Variants in CNTNAP2 observed in about 807,000 individuals in gnomAD.
The protein encoded by CNTNAP2 is contactin associated protein 2, also known as contactin-associated protein-like 2.
A neutral mutation model predicts 155.2 loss-of-function variants in CNTNAP2; 98 were observed. The observed-to-expected ratio is 0.63, with a 90% confidence interval of 0.54 to 0.75. The LOEUF (loss-of-function observed/expected upper bound fraction) is 0.75, where lower values mean the gene tolerates loss of function less well. CNTNAP2 is among the 30% of genes least tolerant of loss of function. The pLI is 0.00. For synonymous variants in CNTNAP2, 651 were observed against 631.2 expected (o/e 1.03, Z -0.47); for missense variants, 1,727 against 1,688.1 (o/e 1.02, Z -0.40).
At chr7:148,391,248 G>GTAAATAAA (rs1554429072) in intron 22 of CNTNAP2, among the ~76,000 whole-genome samples, 10 of 152,090 alleles carry the variant, frequency 6.6e-5, no homozygotes, top group Admixed American at 6.5e-4. Flanking sequence ...GTGAAAATAA[G>GTAAATAAA]TAAATAAATA....
chr7:146,568,644 T>C (rs565883018), intron 1 of CNTNAP2, among the ~76,000 whole-genome samples: 97 of 152,306 alleles, frequency 6.4e-4, no homozygotes, highest in Non-Finnish European at 1.0e-3. Flanking sequence ...ATTCAAAAAA[T>C]CATGGTTTCT....
chr7:147,311,492 T>C (rs1241950439), intron 9 of CNTNAP2, among the ~76,000 whole-genome samples: 2 of 152,114 alleles, frequency 1.3e-5, no homozygotes, highest in African/African-American at 4.8e-5. Flanking sequence ...GTGTTCAGAC[T>C]GAGGGCAGTC....
At chr7:147,436,015 A>C (rs1797542078) in intron 10 of CNTNAP2, among the ~76,000 whole-genome samples, 2 of 152,162 alleles carry the variant, frequency 1.3e-5, no homozygotes, top group African/African-American at 4.8e-5. Flanking sequence ...TCATGTGACC[A>C]TTCAAATATC....
rs1294662477 is a variant in CNTNAP2 at position 148,409,457 on chromosome 7, C to G, written c.3782C>G (p.Ser1261Trp). 6.2e-7 allele frequency: 1 copy of G among 1,613,644 alleles called. No individual in the cohort carries two copies. Among genetic ancestry groups the G allele is most frequent in the Non-Finnish European group, 8.5e-7 (1 of 1,179,792 alleles). Residue 1261 changes from serine (S) to tryptophan (W), a missense_variant, in exon 23 of 24, where the codon TCG becomes TGG. Transcript: ENST00000361727. ...QAIRNGVNRN[S>W]AIIGGVIAVV... ...ATAAGAAATGGAGTCAACAGAAACT[C>G]GGCTATCATTGGAGGTAGGTGATGT...
Position 148,419,483 on chromosome 7 carries a change from G to GC in CNTNAP2, c.*3868dup, listed in dbSNP as rs1393411023. 4 of 152,082 alleles carry GC rather than the reference G, an allele frequency of 2.6e-5. No individual in the cohort carries two copies. Among genetic ancestry groups the GC allele is most frequent in the Non-Finnish European group, 5.9e-5 (4 of 68,120 alleles). The allele number at this position is 152,082 out of a possible 1,614,324, so 9.4% of individuals were successfully genotyped here. On this transcript the variant is annotated 3_prime_UTR_variant, in exon 24 of 24. Transcript: ENST00000361727. ...CTTGCTCTGTCCCCCAGGCTGGAGT[G>GC]CACTGGCGCAATCTCGGGCTCACTG...
intron 3 of CNTNAP2, among the ~76,000 whole-genome samples, chr7:146,862,735 A>G (rs948655166): frequency 2.0e-4 from 31 of 152,220 alleles, no homozygotes; most frequent in African/African-American, 7.5e-4. Flanking sequence ...TAGGAATTCA[A>G]AATTCTGTGA....
At chr7:146,231,734 G>A (rs1799388877) in intron 1 of CNTNAP2, among the ~76,000 whole-genome samples, 1 of 152,138 alleles carries the variant, frequency 6.6e-6, no homozygotes, top group Admixed American at 6.5e-5. Flanking sequence ...TTGCTCTGAT[G>A]AAGTGCATCC....
chr7:147,972,825 G>T (rs1181855379), intron 14 of CNTNAP2, among the ~76,000 whole-genome samples: 1 of 152,040 alleles, frequency 6.6e-6, no homozygotes, highest in Non-Finnish European at 1.5e-5. Flanking sequence ...CGTTTTGCTT[G>T]CAAAAAGATT....
chr7:146,867,298 T>TG (rs1795223826), intron 3 of CNTNAP2, among the ~76,000 whole-genome samples: 1 of 152,136 alleles, frequency 6.6e-6, no homozygotes, highest in Admixed American at 6.6e-5. Flanking sequence ...TGTGTTAGTT[T>TG]GCTAAGGATG....
chr7:146,491,633 A>G (rs541629898), intron 1 of CNTNAP2, among the ~76,000 whole-genome samples: 9 of 152,260 alleles, frequency 5.9e-5, no homozygotes, highest in African/African-American at 2.2e-4. Context: ...TTTAGAGAGG[A>G]TGCCAGGCAC....
In CNTNAP2 at chr7:147,582,912, T is replaced by C. The variant is rs904752806; in HGVS notation, c.1897+20655T>C. On this transcript the variant is annotated intron_variant, in intron 12 of 23. Coordinates refer to ENST00000361727, the MANE Select transcript of CNTNAP2 (RefSeq NM_014141.6). ...TGCGGACTCTAATCCCCAGAGCCTA[T>C]TTAATCATTATTGTGATATCGTTTT... 2.0e-5 allele frequency among the ~76,000 whole-genome samples: 3 copies of C among 152,160 alleles called. No homozygotes were observed. In the South Asian group the frequency reaches 6.2e-4, roughly 32 times the overall value.
intron 1 of CNTNAP2, among the ~76,000 whole-genome samples, chr7:146,140,896 G>A (rs898950702): frequency 7.2e-5 from 11 of 152,066 alleles, no homozygotes; most frequent in South Asian, 2.1e-4. Context: ...GGCGAAAATC[G>A]GAACCACTAG....
chr7:148,112,249 T>C (rs1804368712), intron 15 of CNTNAP2, among the ~76,000 whole-genome samples: 1 of 151,704 alleles, frequency 6.6e-6, no homozygotes, highest in Non-Finnish European at 1.5e-5. Context: ...TTAAAGAAAC[T>C]AAATACAAGA....
At chr7:146,317,258 A>G (rs1800922969) in intron 1 of CNTNAP2, among the ~76,000 whole-genome samples, 1 of 152,240 alleles carries the variant, frequency 6.6e-6, no homozygotes, top group Non-Finnish European at 1.5e-5. Flanking sequence ...CAACACAAGC[A>G]AATAGGTAAT....
intron 10 of CNTNAP2, among the ~76,000 whole-genome samples, chr7:147,478,889 C>T (rs1397987874): frequency 6.6e-6 from 1 of 152,188 alleles, no homozygotes; most frequent in African/African-American, 2.4e-5. Flanking sequence ...TGTTAGGATG[C>T]CTGACTCTTT....
chr7:147,462,538 G>C (rs1798043014), intron 10 of CNTNAP2, among the ~76,000 whole-genome samples: 1 of 152,116 alleles, frequency 6.6e-6, no homozygotes, highest in African/African-American at 2.4e-5. Flanking sequence ...GAGCCCTAAA[G>C]ATATCAGTAC....
intron 7 of CNTNAP2, 48 bp downstream of exon 7, chr7:147,128,884 C>A (rs1392548237): frequency 6.2e-7 from 1 of 1,611,544 alleles, no homozygotes; most frequent in Non-Finnish European, 8.5e-7. Flanking sequence ...TATCAAGTAA[C>A]ATTTTTGTTT....
At chr7:147,734,701 A>T (rs1252186134) in intron 13 of CNTNAP2, among the ~76,000 whole-genome samples, 1 of 152,132 alleles carries the variant, frequency 6.6e-6, no homozygotes, top group African/African-American at 2.4e-5. Context: ...AGAACCTGTT[A>T]TTGGTCTATT....
At chr7:147,401,322 T>G (rs942283312) in intron 10 of CNTNAP2, among the ~76,000 whole-genome samples, 8 of 152,206 alleles carry the variant, frequency 5.3e-5, no homozygotes, top group Non-Finnish European at 7.3e-5. Flanking sequence ...AAATTATGAA[T>G]AGACTAGATC....
Sources: gnomAD v4.1 joint callset for allele counts (sites outside exome capture counted in the v4.1 genomes callset) on GRCh38, gnomAD v4.1.1 for gene constraint, MANE v1.5 for transcripts, NCBI Gene and HGNC (gene_info 2026-07-23, HGNC 2026-07-21) for gene names.